Variants in SAMMSON observed in about 807,000 individuals in gnomAD.
SAMMSON encodes survival associated mitochondrial melanoma specific oncogenic non-coding RNA.
chr3:70,173,811 A>G lies in SAMMSON; in HGVS notation n.508-75296A>G, dbSNP rs145421199. Among the ~76,000 whole-genome samples the G allele has an allele frequency of 3.6e-3, 548 of 152,048 alleles. 1 individual carries two copies. Among genetic ancestry groups the G allele is most frequent in the African/African-American group, 0.012 (491 of 41,536 alleles). On this transcript the variant is annotated intron_variant and non_coding_transcript_variant, in intron 4 of 9. Coordinates refer to ENST00000642114, the Ensembl canonical transcript of SAMMSON. ...CAGTACTAGCAGCACTAATACTCAT[A>G]AAGTTTTCTCCTTGAGGTGATATTT...
chr3:70,351,856 C>A, intron 7 of SAMMSON, among the ~76,000 whole-genome samples: 1 of 152,074 alleles, frequency 6.6e-6, no homozygotes, highest in East Asian at 1.9e-4. Flanking sequence ...ACAGCAAAGG[C>A]CCCTTGGGGA....
At chr3:70,351,183 C>A (rs1702793100) in intron 7 of SAMMSON, among the ~76,000 whole-genome samples, 1 of 151,864 alleles carries the variant, frequency 6.6e-6, no homozygotes, top group Non-Finnish European at 1.5e-5. Flanking sequence ...GAAGATTGGC[C>A]AGGTGTAGTT....
intron 2 of SAMMSON, among the ~76,000 whole-genome samples, chr3:70,408,112 A>G (rs1701190769): frequency 6.6e-6 from 1 of 152,174 alleles, no homozygotes; most frequent in Non-Finnish European, 1.5e-5. Flanking sequence ...GCTGGGACAC[A>G]TGGCACCAAG....
At chr3:70,314,574 T>G (rs1702482224) in intron 7 of SAMMSON, among the ~76,000 whole-genome samples, 2 of 152,096 alleles carry the variant, frequency 1.3e-5, no homozygotes, top group Admixed American at 6.6e-5. Flanking sequence ...ATAAAGGAAA[T>G]TTAAGGCAAA....
intron 6 of SAMMSON, among the ~76,000 whole-genome samples, chr3:70,281,030 C>T (rs1702077743): frequency 1.3e-5 from 2 of 152,102 alleles, no homozygotes; most frequent in Admixed American, 1.3e-4. Context: ...TCCTTTGTAT[C>T]TTTGGGTCTT....
intron 3 of SAMMSON, among the ~76,000 whole-genome samples, chr3:70,019,396 G>A (rs906283188): frequency 1.3e-5 from 2 of 152,218 alleles, no homozygotes; most frequent in African/African-American, 4.8e-5. Flanking sequence ...CAGAGACTAG[G>A]ATTGCAACCC....
At chr3:70,313,559 G>A (rs1702473785) in intron 7 of SAMMSON, among the ~76,000 whole-genome samples, 1 of 151,790 alleles carries the variant, frequency 6.6e-6, no homozygotes, top group Non-Finnish European at 1.5e-5. Flanking sequence ...TAACCCTTGG[G>A]TACACATCAT....
intron 7 of SAMMSON, among the ~76,000 whole-genome samples, chr3:70,346,028 C>A (rs918838512): frequency 1.3e-5 from 2 of 152,152 alleles, no homozygotes; most frequent in Non-Finnish European, 2.9e-5. Flanking sequence ...TAGGACAAGG[C>A]TTTGTTTAGC....
chr3:70,279,736 A>G (rs1199675918), intron 6 of SAMMSON, among the ~76,000 whole-genome samples: 1 of 152,194 alleles, frequency 6.6e-6, no homozygotes, highest in Non-Finnish European at 1.5e-5. Flanking sequence ...AGTAGTTGCC[A>G]AGGAGCTGGA....
intron 4 of SAMMSON, chr3:70,126,438 A>G (rs1397616036): frequency 1.7e-5 from 12 of 703,822 alleles, no homozygotes. Flanking sequence ...CCCTTATCTG[A>G]CAGGTCATGC....
At chr3:70,006,410 T>A (rs970345953) in intron 1 of SAMMSON, among the ~76,000 whole-genome samples, 1 of 152,154 alleles carries the variant, frequency 6.6e-6, no homozygotes, top group Non-Finnish European at 1.5e-5. Context: ...CCTTTTGTAT[T>A]TTTCCTGAGC....
chr3:70,069,582 G>C (rs2067222486), intron 3 of SAMMSON: 1 of 152,098 alleles, frequency 6.6e-6, no homozygotes, highest in Non-Finnish European at 1.5e-5. Context: ...CAAGAAGAGG[G>C]ACAAGCATTT....
intron 3 of SAMMSON, among the ~76,000 whole-genome samples, chr3:70,032,282 AT>A: frequency 6.6e-6 from 1 of 152,348 alleles, no homozygotes; most frequent in Non-Finnish European, 1.5e-5. Context: ...GGCAAAAAAA[AT>A]CTTTTAAATT....
intron 9 of SAMMSON, among the ~76,000 whole-genome samples, chr3:70,378,042 C>T (rs1405066259): frequency 1.3e-5 from 2 of 151,782 alleles, no homozygotes; most frequent in African/African-American, 4.8e-5. Flanking sequence ...ATATGTATTT[C>T]AAATGAAAAA....
chr3:70,257,940 A>G (rs1230634995), intron 6 of SAMMSON, among the ~76,000 whole-genome samples: 3 of 152,230 alleles, frequency 2.0e-5, no homozygotes, highest in African/African-American at 7.2e-5. Flanking sequence ...ATATACATCA[A>G]TAAGACTCAA....
intron 3 of SAMMSON, among the ~76,000 whole-genome samples, chr3:70,061,770 C>T (rs1048118291): frequency 6.6e-6 from 1 of 152,140 alleles, no homozygotes. Context: ...CTCAAGTGTG[C>T]CTTATGCCTT....
At chr3:70,315,356 A>G (rs1702487537) in intron 7 of SAMMSON, among the ~76,000 whole-genome samples, 1 of 152,120 alleles carries the variant, frequency 6.6e-6, no homozygotes, top group Non-Finnish European at 1.5e-5. Context: ...AATTTTCTAT[A>G]TAGAATTTTC....
At chr3:70,269,808 G>A (rs1054805140) in intron 6 of SAMMSON, among the ~76,000 whole-genome samples, 6 of 152,068 alleles carry the variant, frequency 3.9e-5, no homozygotes, top group African/African-American at 4.8e-5. Flanking sequence ...AAATTTAAAC[G>A]AAATCACATC....
At chr3:70,256,458 G>T (rs1387458842) in intron 6 of SAMMSON, among the ~76,000 whole-genome samples, 4 of 152,124 alleles carry the variant, frequency 2.6e-5, no homozygotes, top group Non-Finnish European at 1.5e-5. Context: ...ATTTAAGGAG[G>T]TATATTAACT....
Sources: allele counts gnomAD v4.1 joint callset (sites outside exome capture counted in the v4.1 genomes callset), GRCh38; gene constraint gnomAD v4.1.1; transcripts MANE v1.5; gene names NCBI Gene and HGNC (gene_info 2026-07-23, HGNC 2026-07-21).